TAF4: variants seen among roughly 807,000 people sequenced by gnomAD.
TAF4 encodes transcription initiation factor TFIID subunit 4.
TAF4 carries 9 observed loss-of-function variants against 90.3 expected under a neutral mutation model. That is an observed-to-expected ratio of 0.10 (90% CI 0.06 to 0.17). The LOEUF (loss-of-function observed/expected upper bound fraction) is 0.17, where lower values mean the gene tolerates loss of function less well. Ranked by LOEUF, TAF4 falls within the 10% of genes least tolerant of loss-of-function variation. TAF4 has a pLI of 1.00. For synonymous variants in TAF4, 818 were observed against 638.9 expected, an observed-to-expected ratio of 1.28 and a Z score of -4.23; for missense variants, 1,351 against 1,370.7, an observed-to-expected ratio of 0.99 and a Z score of 0.23.
intron 14 of TAF4, among the ~76,000 whole-genome samples, chr20:61,976,745 C>T (rs1246894950): frequency 1.3e-5 from 2 of 152,242 alleles, no homozygotes; most frequent in East Asian, 1.9e-4. Flanking sequence ...GTGTCATCCC[C>T]GCTTGGCTGC....
chr20:61,986,311 T>C (rs1389640100), intron 14 of TAF4, among the ~76,000 whole-genome samples: 4 of 67,278 alleles, frequency 5.9e-5, no homozygotes, highest in Admixed American at 1.4e-4. Flanking sequence ...CCATCCCCCA[T>C]CAAAGGAAAC....
At chr20:62,004,456 C>G (rs1437183495) in intron 7 of TAF4, 1 of 150,964 alleles carries the variant, frequency 6.6e-6, no homozygotes, top group South Asian at 2.1e-4. Context: ...TTCCCGAGCA[C>G]CTGGGACCAT....
At chr20:62,042,583 G>A (rs766834508) in intron 1 of TAF4, among the ~76,000 whole-genome samples, 10 of 152,308 alleles carry the variant, frequency 6.6e-5, no homozygotes, top group Middle Eastern at 3.4e-3. Context: ...GGGCTCACCC[G>A]GGCTCCTGCA....
chr20:61,999,184 G>C (rs1342264540), intron 11 of TAF4, 76 bp from the exon 12 acceptor site: 20 of 1,558,320 alleles, frequency 1.3e-5, no homozygotes, highest in Non-Finnish European at 1.7e-5. Flanking sequence ...AGCACCACTG[G>C]ACCATCCGTG....
chr20:62,006,482 G>A lies in TAF4; in HGVS notation c.2223+28C>T. 2 of 1,466,904 alleles carry A rather than the reference G, an allele frequency of 1.4e-6. No individual in the cohort carries two copies. The highest frequency in any genetic ancestry group is 2.5e-5 in the East Asian group (1 of 39,462). 90.9% of individuals were successfully genotyped at this position (1,466,904 alleles called of 1,614,324 possible). Reference sequence around the variant, plus strand: ...CGGGAGCAGAGGCACGGTGGGCTGTGCAGACCAGTCAGGCGCCCCTTCCAT... The same window carrying A: ...CGGGAGCAGAGGCACGGTGGGCTGTACAGACCAGTCAGGCGCCCCTTCCAT... On this transcript the variant is annotated intron_variant, in intron 7 of 14. Transcript: ENST00000252996. The surrounding 1 kb of genome is among the most constrained non-coding windows in gnomAD (Gnocchi z 7.0).
chr20:62,025,939 T>C (rs759434486), intron 1 of TAF4, among the ~76,000 whole-genome samples: 23 of 152,172 alleles, frequency 1.5e-4, no homozygotes, highest in Non-Finnish European at 2.5e-4. Context: ...TCCACGTGCA[T>C]GCACATTTGT....
chr20:62,063,644 G>A (rs955101859), intron 1 of TAF4, among the ~76,000 whole-genome samples: 1 of 151,922 alleles, frequency 6.6e-6, no homozygotes, highest in Non-Finnish European at 1.5e-5. Flanking sequence ...CACGGAGCGA[G>A]AACATCTGCT....
chr20:62,010,134 G>A lies in TAF4; in HGVS notation c.1673C>T (p.Thr558Met), dbSNP rs73915526. ...AGCCGTCGCCGTCCCAAGTGAAGCC[G>A]TCTGGGCAGCGCCACCCAGAACGAG... Reference protein sequence around the residue: ...PQLVLGGAAQTASLGTATAVQ... With the variant: ...PQLVLGGAAQMASLGTATAVQ... Residue 558 changes from threonine to methionine, a missense_variant, in exon 4 of 15, where the codon ACG becomes ATG. By Grantham distance (81) the Thr-to-Met change is moderately conservative. Around this residue, in one of 9 missense-constraint regions of TAF4, gnomAD observed 143 missense variants for 176.3 expected, o/e 0.81. Coordinates refer to ENST00000252996, the MANE Select transcript of TAF4 (RefSeq NM_003185.4). This position sits in a 1 kb window ranked among gnomAD's most constrained non-coding sequence, Gnocchi z 4.5. The A allele has an allele frequency of 1.1e-5, 18 of 1,613,888 alleles. No homozygotes were observed. The highest frequency in any genetic ancestry group is 1.6e-4 in the Middle Eastern group (1 of 6,062).
chr20:61,984,439 C>A (rs913514981), intron 14 of TAF4, among the ~76,000 whole-genome samples: 2 of 152,230 alleles, frequency 1.3e-5, no homozygotes, highest in Admixed American at 6.5e-5. Context: ...GACACACGTA[C>A]AAGGCGACTC....
At chr20:62,002,313 T>C (rs2055710980) in intron 9 of TAF4, among the ~76,000 whole-genome samples, 1 of 152,128 alleles carries the variant, frequency 6.6e-6, no homozygotes, top group Admixed American at 6.5e-5. Flanking sequence ...CCTTTAGGGA[T>C]GAAGTGTCTG....
intron 14 of TAF4, among the ~76,000 whole-genome samples, chr20:61,986,861 A>C (rs35560719): frequency 0.51 from 77,105 of 152,218 alleles, 20,125 homozygotes; most frequent in Middle Eastern, 0.66. Flanking sequence ...TAATAAATGT[A>C]AACAGAAAGA....
At chr20:62,027,674 G>A (rs1434312370) in intron 1 of TAF4, among the ~76,000 whole-genome samples, 2 of 152,084 alleles carry the variant, frequency 1.3e-5, no homozygotes, top group Non-Finnish European at 2.9e-5. Flanking sequence ...AATAACCTTG[G>A]CAAATAATTA....
At chr20:62,034,971 C>T (rs1440222915) in intron 1 of TAF4, among the ~76,000 whole-genome samples, 1 of 152,078 alleles carries the variant, frequency 6.6e-6, no homozygotes, top group African/African-American at 2.4e-5. Flanking sequence ...CAGGCACCCA[C>T]CACCATGCCC....
chr20:62,000,071 G>A, intron 11 of TAF4, 53 bp downstream of exon 11: 2 of 1,613,738 alleles, frequency 1.2e-6, no homozygotes, highest in East Asian at 2.2e-5. Context: ...CCAGCCAGCA[G>A]AGAGTGGGGG....
chr20:62,019,706 G>A (rs1027842798), intron 1 of TAF4, among the ~76,000 whole-genome samples: 6 of 152,274 alleles, frequency 3.9e-5, no homozygotes, highest in Admixed American at 1.3e-4. Flanking sequence ...TCAGCATGCC[G>A]CCACCGATTC....
intron 9 of TAF4, among the ~76,000 whole-genome samples, chr20:62,002,109 T>G: frequency 6.6e-6 from 1 of 152,194 alleles, no homozygotes; most frequent in East Asian, 1.9e-4. Flanking sequence ...GCTGACTCCT[T>G]GACAGCAAAA....
In TAF4 at chr20:62,049,055, G is replaced by A. The variant is rs1386110189; in HGVS notation, c.1360+15396C>T. Among the ~76,000 whole-genome samples, 7 of 32,732 alleles carry A rather than the reference G, an allele frequency of 2.1e-4. No homozygotes were observed. In the South Asian group the frequency reaches 3.4e-3, roughly 16 times the overall value. The allele number at this position is 32,732 out of a possible 152,430, so 21.5% of individuals were successfully genotyped here. ...TCCCCCCTCCCCCAGTCCTCTCCCCGCATGACCACCTCGGTCACCAGGCTC... is the reference window on the plus strand; with the variant it reads ...TCCCCCCTCCCCCAGTCCTCTCCCCACATGACCACCTCGGTCACCAGGCTC... On this transcript the variant is annotated intron_variant, in intron 1 of 14. Transcript: ENST00000252996.
At chr20:62,025,933 C>A (rs1274969984) in intron 1 of TAF4, among the ~76,000 whole-genome samples, 1 of 152,130 alleles carries the variant, frequency 6.6e-6, no homozygotes, top group African/African-American at 2.4e-5. Context: ...GATGGCTCCA[C>A]GTGCATGCAC....
Position 62,000,623 on chromosome 20 carries a change from G to A in TAF4, c.2585C>T (p.Thr862Met), listed in dbSNP as rs1048811606. The stretch of plus-strand genomic sequence containing the variant: ...TTCATCTTTACAGGACCGCGTTAGC[G>A]TGCCCACCAATTCAGAGTTCGTGGC... ...ILATNSELVG[T>M]LTRSCKDETF... Residue 862 changes from threonine (T) to methionine (M), a missense_variant, in exon 10 of 15, where the codon ACG becomes ATG. Physicochemically the swap from Thr to Met is moderately conservative, Grantham distance 81. This residue lies in a region of TAF4 where 95 missense variants were observed against 151.3 expected (regional missense o/e 0.63). Coordinates refer to ENST00000252996, the MANE Select transcript of TAF4 (RefSeq NM_003185.4). 1.6e-5 allele frequency: 26 copies of A among 1,614,150 alleles called. No individual in the cohort carries two copies. The highest frequency in any genetic ancestry group is 1.3e-4 in the East Asian group (6 of 44,900).
Sources: gnomAD v4.1 joint callset for allele counts (sites outside exome capture counted in the v4.1 genomes callset) on GRCh38, gnomAD v4.1.1 for gene constraint, gnomAD v4.1.1 regional missense constraint, Gnocchi (gnomAD v3.1) non-coding constraint, MANE v1.5 for transcripts, NCBI Gene and HGNC (gene_info 2026-07-23, HGNC 2026-07-21) for gene names.